Variants in CSMD1 observed in about 807,000 individuals in gnomAD.
CSMD1 encodes CUB and sushi domain-containing protein 1.
In CSMD1, 213 loss-of-function variants were observed where a neutral mutation model predicts 417.5. That is an observed-to-expected ratio of 0.51 (90% CI 0.46 to 0.57). The LOEUF (loss-of-function observed/expected upper bound fraction) is 0.57. CSMD1 is among the 20% of genes least tolerant of loss of function. The probability of loss-of-function intolerance (pLI) is 0.00; values close to 1 mark genes in which losing one functional copy is unlikely to be tolerated. For missense variants in CSMD1, 6,923 were observed against 4,529.7 expected (o/e 1.53, Z -15.17); for synonymous variants, 2,862 against 1,736.8 (o/e 1.65, Z -16.11).
chr8:3,379,687 C>G (rs556796398), intron 18 of CSMD1, among the ~76,000 whole-genome samples: 1 of 152,276 alleles, frequency 6.6e-6, no homozygotes, highest in East Asian at 1.9e-4. Context: ...GGAAAACTGG[C>G]TAGCCATATG....
intron 1 of CSMD1, among the ~76,000 whole-genome samples, chr8:4,837,301 G>A (rs770317157): frequency 6.7e-4 from 102 of 152,142 alleles, no homozygotes; most frequent in Non-Finnish European, 1.0e-3. Context: ...GCACTTCTAG[G>A]TTTGCTGCTG....
At chr8:3,022,282 C>A (rs1253484837) in intron 51 of CSMD1, among the ~76,000 whole-genome samples, 1 of 144,160 alleles carries the variant, frequency 6.9e-6, no homozygotes, top group Non-Finnish European at 1.5e-5. Flanking sequence ...TCCAGAGCAT[C>A]CGGAATGCAC....
intron 6 of CSMD1, among the ~76,000 whole-genome samples, chr8:3,746,993 A>G (rs1192808669): frequency 6.6e-6 from 1 of 152,236 alleles, no homozygotes; most frequent in Non-Finnish European, 1.5e-5. Flanking sequence ...TATCCGAAAA[A>G]GTTCCTCCTT....
At chr8:4,814,643 G>T (rs1017353418) in intron 1 of CSMD1, among the ~76,000 whole-genome samples, 1 of 152,164 alleles carries the variant, frequency 6.6e-6, no homozygotes, top group Non-Finnish European at 1.5e-5. Context: ...TTCATGTGCT[G>T]TATACTAGTA....
intron 3 of CSMD1, among the ~76,000 whole-genome samples, chr8:4,253,410 AT>A (rs61308018): frequency 0.076 from 11,618 of 152,068 alleles, 694 homozygotes; most frequent in East Asian, 0.34. Context: ...AAATTTATAT[AT>A]TTTTTTCCCA....
intron 26 of CSMD1, among the ~76,000 whole-genome samples, chr8:3,247,654 C>T (rs918807765): frequency 2.6e-5 from 4 of 152,138 alleles, no homozygotes; most frequent in African/African-American, 9.7e-5. Flanking sequence ...GGCAAGGCCC[C>T]CGCCCCCAGT....
chr8:4,545,998 G>A (rs1168775013), intron 2 of CSMD1, among the ~76,000 whole-genome samples: 2 of 151,932 alleles, frequency 1.3e-5, no homozygotes, highest in African/African-American at 2.4e-5. Context: ...CCCTTCTACT[G>A]CATTCCATCC....
intron 5 of CSMD1, among the ~76,000 whole-genome samples, chr8:3,857,249 G>A (rs1804376198): frequency 6.6e-6 from 1 of 152,132 alleles, no homozygotes; most frequent in South Asian, 2.1e-4. Context: ...AGAGTTACAA[G>A]CAATATTTAC....
intron 1 of CSMD1, among the ~76,000 whole-genome samples, chr8:4,830,694 G>T (rs560543897): frequency 6.6e-6 from 1 of 152,216 alleles, no homozygotes; most frequent in African/African-American, 2.4e-5. Flanking sequence ...AATGCCAATG[G>T]CAACACTGTA....
chr8:3,525,491 G>A (rs1288494780), intron 10 of CSMD1, among the ~76,000 whole-genome samples: 5 of 152,166 alleles, frequency 3.3e-5, no homozygotes, highest in African/African-American at 1.2e-4. Flanking sequence ...TATCCTCCGT[G>A]ATAAGAAACG....
In CSMD1 at chr8:4,128,550, A is replaced by G. The variant is rs756087907; in HGVS notation, c.416-96451T>C. 5.9e-5 allele frequency among the ~76,000 whole-genome samples: 9 copies of G among 152,198 alleles called. 1 individual carries two copies. Among genetic ancestry groups the G allele is most frequent in the South Asian group, 2.1e-4 (1 of 4,830 alleles). Reference sequence around the variant, plus strand: ...CCCCTCCTATATTCTATTTTTACAGATAACACATCTCATCTCTTTTAGCTT... The same window carrying G: ...CCCCTCCTATATTCTATTTTTACAGGTAACACATCTCATCTCTTTTAGCTT... On this transcript the variant is annotated intron_variant, in intron 3 of 69. Coordinates refer to ENST00000635120, the MANE Select transcript of CSMD1 (RefSeq NM_033225.6).
At chr8:4,369,086 G>A (rs1429061086) in intron 3 of CSMD1, among the ~76,000 whole-genome samples, 1 of 152,036 alleles carries the variant, frequency 6.6e-6, no homozygotes, top group Non-Finnish European at 1.5e-5. Flanking sequence ...GACATTAAGT[G>A]CTAAAAACTT....
At chr8:3,299,572 G>C (rs1257069274) in intron 25 of CSMD1, among the ~76,000 whole-genome samples, 1 of 151,600 alleles carries the variant, frequency 6.6e-6, no homozygotes, top group Admixed American at 6.6e-5. Flanking sequence ...GCAGATAAAA[G>C]CACGCCACCA....
chr8:3,124,336 G>A (rs1389639739), intron 41 of CSMD1, among the ~76,000 whole-genome samples: 1 of 152,076 alleles, frequency 6.6e-6, no homozygotes, highest in Admixed American at 6.5e-5. Flanking sequence ...AGAATTGTAA[G>A]TTGCATAAAT....
intron 40 of CSMD1, among the ~76,000 whole-genome samples, chr8:3,144,925 G>A (rs1818747739): frequency 6.6e-6 from 1 of 151,998 alleles, no homozygotes; most frequent in Non-Finnish European, 1.5e-5. Flanking sequence ...CCAGCCAGTG[G>A]CACATCCAGA....
intron 37 of CSMD1, among the ~76,000 whole-genome samples, chr8:3,175,699 G>A (rs1038206123): frequency 6.6e-6 from 1 of 152,018 alleles, no homozygotes; most frequent in African/African-American, 2.4e-5. Context: ...TCAGACGTGG[G>A]AACATGGCTT....
intron 37 of CSMD1, among the ~76,000 whole-genome samples, 153 bp from the exon 38 acceptor site, chr8:3,162,430 G>GAGCTTTAATCATAGCTTTGAATCA (rs1819955990): frequency 6.6e-6 from 1 of 152,076 alleles, no homozygotes; most frequent in African/African-American, 2.4e-5. Flanking sequence ...AAGACTTTGA[G>GAGCTTTAATCATAGCTTTGAATCA]TACCTTTAAA....
At chr8:4,029,048 C>G (rs1397163167) in intron 4 of CSMD1, among the ~76,000 whole-genome samples, 1 of 152,160 alleles carries the variant, frequency 6.6e-6, no homozygotes, top group Non-Finnish European at 1.5e-5. Flanking sequence ...ATCACCTTAT[C>G]TGAGAAGACT....
At chr8:4,813,529 C>T (rs992939107) in intron 1 of CSMD1, among the ~76,000 whole-genome samples, 1 of 152,148 alleles carries the variant, frequency 6.6e-6, no homozygotes, top group African/African-American at 2.4e-5. Flanking sequence ...AATGAGCAAA[C>T]ACCAGTGAAT....
Sources: allele counts gnomAD v4.1 joint callset (sites outside exome capture counted in the v4.1 genomes callset), GRCh38; gene constraint gnomAD v4.1.1; transcripts MANE v1.5; gene names NCBI Gene and HGNC (gene_info 2026-07-23, HGNC 2026-07-21).